Variants in NAV3 observed in about 807,000 individuals in gnomAD.
The protein encoded by NAV3 is neuron navigator 3, also known as pore membrane and/or filament interacting like protein 1.
In NAV3, 87 loss-of-function variants were observed where a neutral mutation model predicts 244.7. The observed-to-expected ratio is 0.36, with a 90% CI of 0.30 to 0.42. The LOEUF is 0.42. Among genes scored for constraint, NAV3 ranks in the 20% least tolerant of loss-of-function variants. The pLI, the probability that NAV3 is intolerant of heterozygous loss-of-function variation, is 1.00. For synonymous variants in NAV3, 1,126 were observed against 1,042.2 expected, an observed-to-expected ratio of 1.08 and a Z score of -1.55; for missense variants, 2,663 against 2,893.3, an observed-to-expected ratio of 0.92 and a Z score of 1.83.
chr12:77,818,631 T>G (rs896044574), intron 2 of NAV3, among the ~76,000 whole-genome samples: 2 of 152,050 alleles, frequency 1.3e-5, no homozygotes, highest in African/African-American at 4.8e-5. Flanking sequence ...GTTAGGGAAG[T>G]CTGGAGGAAA....
At chr12:78,106,455 G>A (rs1355030000) in intron 12 of NAV3, among the ~76,000 whole-genome samples, 1 of 152,214 alleles carries the variant, frequency 6.6e-6, no homozygotes, top group East Asian at 1.9e-4. Flanking sequence ...TTTGTGGATT[G>A]AGAGACAATA....
intron 2 of NAV3, among the ~76,000 whole-genome samples, chr12:77,663,165 C>G (rs1219678228): frequency 6.6e-6 from 1 of 152,136 alleles, no homozygotes; most frequent in Non-Finnish European, 1.5e-5. Context: ...TCACACTTAA[C>G]TAGGAGAATA....
chr12:78,062,938 A>T lies in NAV3; in HGVS notation c.2636+3823A>T, dbSNP rs1884516121. ...TTTTTTCTTAGTTATTCTTTCTAAA[A>T]GCTGTGTAAGTGCAAAAGCAGAGTC... On this transcript the variant is annotated intron_variant, in intron 12 of 39. Coordinates refer to ENST00000397909, the MANE Select transcript of NAV3 (RefSeq NM_001024383.2). Among the ~76,000 whole-genome samples the T allele has an allele frequency of 2.0e-5, 3 of 152,174 alleles. No homozygotes were observed. In the South Asian group the frequency reaches 6.2e-4, roughly 31 times the overall value.
Position 78,050,064 on chromosome 12 carries a change from A to G in NAV3, c.2095A>G (p.Thr699Ala). ...IADLRQNLEE[T>A]MSSLRGTQIS... The stretch of plus-strand genomic sequence containing the variant: ...AGACTTGAGGCAGAATTTAGAAGAG[A>G]CTATGTCCAGTCTTCGTGGGACTCA... The change falls in exon 10 of 40, where the codon ACT (threonine) becomes GCT (alanine). Residue 699 changes from threonine (T) to alanine (A), a missense_variant. Transcript: ENST00000397909. 1 of 1,613,290 alleles carries G rather than the reference A, an allele frequency of 6.2e-7. No homozygotes were observed. Among genetic ancestry groups the G allele is most frequent in the Non-Finnish European group, 8.5e-7 (1 of 1,179,744 alleles).
chr12:77,781,959 C>T (rs945396872), intron 2 of NAV3, among the ~76,000 whole-genome samples: 1 of 152,028 alleles, frequency 6.6e-6, no homozygotes, highest in African/African-American at 2.4e-5. Context: ...GAAACAAGTC[C>T]CATGTCCCAT....
intron 7 of NAV3, among the ~76,000 whole-genome samples, chr12:78,000,165 A>G (rs1566003503): frequency 6.6e-6 from 1 of 152,210 alleles, no homozygotes; most frequent in Admixed American, 6.5e-5. Context: ...CTCAATTCAT[A>G]CATACCTTCC....
intron 5 of NAV3, among the ~76,000 whole-genome samples, chr12:77,981,946 C>T (rs920271144): frequency 6.6e-6 from 1 of 151,864 alleles, no homozygotes; most frequent in Non-Finnish European, 1.5e-5. Flanking sequence ...TTATGTGACT[C>T]CAAGACTGAG....
intron 12 of NAV3, among the ~76,000 whole-genome samples, chr12:78,067,702 T>C (rs1188705067): frequency 6.6e-6 from 1 of 152,044 alleles, no homozygotes; most frequent in Non-Finnish European, 1.5e-5. Flanking sequence ...CAATTGCCAT[T>C]GAAATTCAAA....
chr12:78,203,905 C>G (rs2140074216), intron 38 of NAV3, among the ~76,000 whole-genome samples: 1 of 150,410 alleles, frequency 6.6e-6, no homozygotes, highest in East Asian at 2.0e-4. Context: ...TTGGGTTCAG[C>G]TTTGCTTGCA....
chr12:77,939,997 A>G (rs757584715), intron 1 of NAV3, among the ~76,000 whole-genome samples: 1 of 152,130 alleles, frequency 6.6e-6, no homozygotes, highest in African/African-American at 2.4e-5. Flanking sequence ...TTTCAAAATG[A>G]TAGAAACAAT....
intron 2 of NAV3, among the ~76,000 whole-genome samples, chr12:77,771,818 C>G (rs1408474092): frequency 1.3e-5 from 2 of 151,922 alleles, no homozygotes; most frequent in African/African-American, 4.8e-5. Flanking sequence ...TGTTAAATGA[C>G]AAGTTAATGG....
chr12:77,695,780 A>G (rs1482136060), intron 2 of NAV3, among the ~76,000 whole-genome samples: 2 of 152,154 alleles, frequency 1.3e-5, no homozygotes, highest in Admixed American at 6.6e-5. Context: ...ACCAGAAATT[A>G]TACACATACT....
upstream of NAV3, among the ~76,000 whole-genome samples, chr12:77,827,247 A>C (rs1281690806): frequency 2.0e-5 from 3 of 151,104 alleles, no homozygotes; most frequent in East Asian, 3.9e-4. Flanking sequence ...AAAAAAAAAA[A>C]AAAAAAAAAA....
At chr12:77,940,981 C>T (rs945618845) in intron 2 of NAV3, 100 bp from the exon 3 acceptor site, 3 of 775,114 alleles carry the variant, frequency 3.9e-6, no homozygotes, top group Non-Finnish European at 6.5e-6. Flanking sequence ...AGCATTTTTG[C>T]TTGGTATTTT....
At chr12:77,889,535 A>ACT (rs1319150095) in intron 1 of NAV3, among the ~76,000 whole-genome samples, 1 of 152,070 alleles carries the variant, frequency 6.6e-6, no homozygotes, top group Non-Finnish European at 1.5e-5. Flanking sequence ...TATTTTAACT[A>ACT]CTCTAAGTTA....
At chr12:77,930,894 T>C (rs1241340703) in intron 1 of NAV3, among the ~76,000 whole-genome samples, 1 of 152,204 alleles carries the variant, frequency 6.6e-6, no homozygotes. Context: ...GCAATGTCAC[T>C]GTAGAGACTT....
At chr12:77,952,563 T>G (rs975376395) in intron 3 of NAV3, among the ~76,000 whole-genome samples, 1 of 152,142 alleles carries the variant, frequency 6.6e-6, no homozygotes, top group African/African-American at 2.4e-5. Context: ...AATTTTGTAC[T>G]TCTTCAATAT....
chr12:77,825,099 T>A (rs541581152), intron 2 of NAV3, among the ~76,000 whole-genome samples: 2 of 152,304 alleles, frequency 1.3e-5, no homozygotes, highest in East Asian at 3.9e-4. Context: ...AATTGTTAAC[T>A]AAGAATTTTG....
rs780519676 is a variant in NAV3, at chr12:78,007,375, G to A, written c.1837G>A (p.Ala613Thr). ...CAGTGGGCAGAGCACAGGAAATGGT[G>A]CTGTCCAACTCCCTCAACAGCAGCA... Reference protein sequence around the residue: ...QSSGQSTGNGAVQLPQQQQHS... With the variant: ...QSSGQSTGNGTVQLPQQQQHS... The change falls in exon 8 of 40, where the codon GCT becomes ACT. Residue 613 changes from alanine to threonine, a missense_variant. By Grantham distance (58) the Ala-to-Thr change is moderately conservative. Around this residue, in one of 6 missense-constraint regions of NAV3, gnomAD observed 1,521 missense variants for 1,497.0 expected, o/e 1.02. Coordinates refer to ENST00000397909, the MANE Select transcript of NAV3 (RefSeq NM_001024383.2). The A allele has an allele frequency of 1.2e-6, 2 of 1,614,150 alleles. No homozygotes were observed. Among genetic ancestry groups the A allele is most frequent in the South Asian group, 2.2e-5 (2 of 91,088 alleles).
Sources: gnomAD v4.1 joint callset for allele counts (sites outside exome capture counted in the v4.1 genomes callset) on GRCh38, gnomAD v4.1.1 for gene constraint, gnomAD v4.1.1 regional missense constraint, MANE v1.5 for transcripts, NCBI Gene and HGNC (gene_info 2026-07-23, HGNC 2026-07-21) for gene names.